Variants in DYNLT5 observed in about 807,000 individuals in gnomAD.
The protein encoded by DYNLT5 is dynein light chain Tctex-type 5.
A neutral mutation model predicts 19.3 loss-of-function variants in DYNLT5; 25 were observed. The ratio of observed to expected loss-of-function variants is 1.30; its 90% CI spans 0.95 to 1.81. The LOEUF is 1.81. Ranked by LOEUF, DYNLT5 falls within the 40% of genes most tolerant of loss-of-function variation. The pLI, the probability that DYNLT5 is intolerant of heterozygous loss-of-function variation, is 0.00. For missense variants in DYNLT5, 232 were observed against 217.9 expected, an observed-to-expected ratio of 1.06 and a Z score of -0.41; for synonymous variants, 82 against 68.9, an observed-to-expected ratio of 1.19 and a Z score of -0.94.
intron 2 of DYNLT5, among the ~76,000 whole-genome samples, chr1:66,755,957 T>G (rs1439723706): frequency 6.6e-6 from 1 of 152,232 alleles, no homozygotes; most frequent in Non-Finnish European, 1.5e-5. Flanking sequence ...CCATGATATT[T>G]TTTTAAATAC....
chr1:66,760,579 G>C (rs1175945888), intron 2 of DYNLT5, among the ~76,000 whole-genome samples: 1 of 152,090 alleles, frequency 6.6e-6, no homozygotes, highest in Non-Finnish European at 1.5e-5. Flanking sequence ...CCTCCATGCT[G>C]ACACATTCCA....
chr1:66,770,522 G>A lies in DYNLT5; in HGVS notation c.211+44G>A, dbSNP rs777760996. ...CACTCCTATTTTAAACTTCTAAATTGGTGACTGATTCTCTTAAAAATGATA... is the reference window on the plus strand; with the variant it reads ...CACTCCTATTTTAAACTTCTAAATTAGTGACTGATTCTCTTAAAAATGATA... On this transcript the variant is annotated intron_variant, in intron 3 of 4. Transcript: ENST00000282670. 4.4e-6 allele frequency: 6 copies of A among 1,377,704 alleles called. No homozygotes were observed. In the African/African-American group the frequency reaches 7.1e-5, roughly 16 times the overall value. The allele number at this position is 1,377,704 out of a possible 1,614,324, so 85.3% of individuals were successfully genotyped here. A position where few individuals can be genotyped will look rare whatever the true frequency, so the allele number is the denominator to read the frequency against.
intron 2 of DYNLT5, among the ~76,000 whole-genome samples, chr1:66,765,912 A>C (rs1002059374): frequency 2.0e-5 from 3 of 152,192 alleles, no homozygotes; most frequent in African/African-American, 7.2e-5. Flanking sequence ...TTCTGGACCA[A>C]TTTCATGCAG....
chr1:66,769,800 T>G (rs1178283325), intron 2 of DYNLT5, among the ~76,000 whole-genome samples: 1 of 152,304 alleles, frequency 6.6e-6, no homozygotes, highest in East Asian at 1.9e-4. Context: ...TTTTCGATGT[T>G]GAAAAGGCCG....
At chr1:66,753,811 A>G (rs2094631296) in intron 1 of DYNLT5, among the ~76,000 whole-genome samples, 1 of 151,848 alleles carries the variant, frequency 6.6e-6, no homozygotes, top group Admixed American at 6.6e-5. Context: ...TTAGCTAGGC[A>G]TGGTGGTGCA....
intron 1 of DYNLT5, 134 bp downstream of exon 1, chr1:66,752,718 A>C: frequency 2.1e-6 from 1 of 486,558 alleles, no homozygotes; most frequent in Non-Finnish European, 2.7e-6. Context: ...TCCCCAACAC[A>C]TAAGAAAAAA....
chr1:66,770,846 G>C, intron 3 of DYNLT5: 1 of 226,462 alleles, frequency 4.4e-6, no homozygotes, highest in South Asian at 5.4e-5. Context: ...TTAGGTGAAG[G>C]AAAAAAAAAA....
At position 66,770,421 on chromosome 1, in the gene DYNLT5, A is replaced by C. The variant is rs896693301; in HGVS notation, c.154A>C (p.Ser52Arg). 1.2e-6 allele frequency: 2 copies of C among 1,613,514 alleles called. No homozygotes were observed. The highest frequency in any genetic ancestry group is 2.7e-5 in the African/African-American group (2 of 74,906). ...TACTGTGTCTTATATGGAAGAACCC[A>C]GTCAGCGTGATGATATCTCTCGCCT... ...MSTVSYMEEP[S>R]QRDDISRLTV... Residue 52 changes from serine to arginine, a missense_variant, in exon 3 of 5, where the codon AGT becomes CGT. Transcript: ENST00000282670.
intron 2 of DYNLT5, 149 bp downstream of exon 2, chr1:66,754,926 A>G: frequency 1.3e-6 from 1 of 756,394 alleles, no homozygotes; most frequent in South Asian, 3.4e-5. Context: ...CCATATTTAA[A>G]AAGAAAGAGA....
Position 66,778,191 on chromosome 1 carries a change from T to C in DYNLT5, c.*737T>C, listed in dbSNP as rs188483026. The C allele has an allele frequency of 7.9e-5, 12 of 152,766 alleles. No homozygotes were observed. Among genetic ancestry groups the C allele is most frequent in the African/African-American group, 2.9e-4 (12 of 41,580 alleles). The allele number at this position is 152,766 out of a possible 1,614,324, so 9.5% of individuals were successfully genotyped here. On this transcript the variant is annotated 3_prime_UTR_variant, in exon 5 of 5. Transcript: ENST00000282670. ...TTGTGATATTAAATATACATGATGC[T>C]TAATACTAAATGTGTCTGTAACACA... is the stretch of plus-strand genomic sequence containing the variant.
At chr1:66,764,556 CA>C (rs2094651348) in intron 2 of DYNLT5, among the ~76,000 whole-genome samples, 2 of 152,148 alleles carry the variant, frequency 1.3e-5, no homozygotes, top group Non-Finnish European at 2.9e-5. Context: ...CACCCTAAAC[CA>C]ATTACAATAA....
intron 2 of DYNLT5, among the ~76,000 whole-genome samples, chr1:66,768,128 G>A (rs1320696877): frequency 1.3e-5 from 2 of 152,160 alleles, no homozygotes; most frequent in East Asian, 3.8e-4. Flanking sequence ...ATGATACATG[G>A]TTAAATGAAA....
At chr1:66,772,861 G>A (rs1325739230) in intron 3 of DYNLT5, among the ~76,000 whole-genome samples, 1 of 152,160 alleles carries the variant, frequency 6.6e-6, no homozygotes, top group Non-Finnish European at 1.5e-5. Flanking sequence ...AAAAGAAAAT[G>A]CAGGCTGTGG....
At position 66,770,632 on chromosome 1, in the gene DYNLT5, T is replaced by C. The variant is rs570042966; in HGVS notation, c.211+154T>C. The C allele has an allele frequency of 5.5e-6, 4 of 732,672 alleles. No homozygotes were observed. In the African/African-American group the frequency reaches 6.9e-5, roughly 13 times the overall value. 45.4% of individuals were successfully genotyped at this position (732,672 alleles called of 1,614,324 possible). ...GTGATTTGATGTTGCTTTAGTTTCT[T>C]CCTCAGCAAAAAGGTAACAACACTT... On this transcript the variant is annotated intron_variant, in intron 3 of 4. Transcript: ENST00000282670.
rs777897467 is a variant in DYNLT5, at chr1:66,770,401, T to C, written c.134T>C (p.Val45Ala). ...HGRIKDSMST[V>A]SYMEEPSQRD... ...CTTGTTTTTAGTTCTATGAGTACTG[T>C]GTCTTATATGGAAGAACCCAGTCAG... The change falls in exon 3 of 5, where the codon GTG becomes GCG. Residue 45 changes from valine to alanine, a missense_variant. Coordinates refer to ENST00000282670, the MANE Select transcript of DYNLT5 (RefSeq NM_152665.3). 6.2e-6 allele frequency: 10 copies of C among 1,611,836 alleles called. No homozygotes were observed. In the African/African-American group the frequency reaches 1.3e-4, roughly 22 times the overall value.
In DYNLT5 at chr1:66,775,941, G is replaced by A. The variant is rs147103792; in HGVS notation, c.212-338G>A. On this transcript the variant is annotated intron_variant, in intron 3 of 4. Coordinates refer to ENST00000282670, the MANE Select transcript of DYNLT5 (RefSeq NM_152665.3). ...TAAGATCTGGTAGATAGATTGGAGC[G>A]GGAGATATAAGAGGTAGAGAGCCAG... is the stretch of plus-strand genomic sequence containing the variant. 2.4e-4 allele frequency among the ~76,000 whole-genome samples: 37 copies of A among 152,200 alleles called. 1 individual carries two copies. In the East Asian group the frequency reaches 5.4e-3, roughly 22 times the overall value.
intron 2 of DYNLT5, among the ~76,000 whole-genome samples, chr1:66,759,220 A>T (rs1485484071): frequency 2.6e-5 from 4 of 152,208 alleles, no homozygotes; most frequent in Non-Finnish European, 5.9e-5. Flanking sequence ...CTGGCTCATT[A>T]TAGGGAGGAA....
chr1:66,754,508 T>G (rs1283025201), intron 1 of DYNLT5, 148 bp from the exon 2 acceptor site: 7 of 653,056 alleles, frequency 1.1e-5, no homozygotes, highest in Non-Finnish European at 1.6e-5. Context: ...TAACAACAAA[T>G]TCTATATATT....
Position 66,769,348 on chromosome 1 carries a change from C to T in DYNLT5, c.120-1039C>T, listed in dbSNP as rs1431817798. Among the ~76,000 whole-genome samples the T allele has an allele frequency of 2.0e-5, 3 of 152,020 alleles. No individual in the cohort carries two copies. In the South Asian group the frequency reaches 6.2e-4, roughly 32 times the overall value. ...AAAGGATTTTTAAAAATAGATTACC[C>T]GTGATTTTCTTAAAATATCGATTTG... On this transcript the variant is annotated intron_variant, in intron 2 of 4. Transcript: ENST00000282670.
Sources: gnomAD v4.1 joint callset for allele counts (sites outside exome capture counted in the v4.1 genomes callset) on GRCh38, gnomAD v4.1.1 for gene constraint, MANE v1.5 for transcripts, NCBI Gene and HGNC (gene_info 2026-07-23, HGNC 2026-07-21) for gene names.